The following PARP8 variants were observed in gnomAD, a reference collection of about 807,000 sequenced individuals.
PARP8 encodes protein mono-ADP-ribosyltransferase PARP8.
A neutral mutation model predicts 124.1 loss-of-function variants in PARP8; 51 were observed. That is an observed-to-expected ratio of 0.41 (90% CI 0.33 to 0.52). PARP8 has a LOEUF of 0.52. Ranked by LOEUF, PARP8 falls within the 20% of genes least tolerant of loss-of-function variation. The pLI is 0.21. For missense variants in PARP8, 860 were observed against 1,018.9 expected, an observed-to-expected ratio of 0.84 and a Z score of 2.12; for synonymous variants, 391 against 361.5, an observed-to-expected ratio of 1.08 and a Z score of -0.93.
intron 10 of PARP8, among the ~76,000 whole-genome samples, chr5:50,791,463 A>T (rs1187221988): frequency 6.6e-6 from 1 of 152,174 alleles, no homozygotes; most frequent in African/African-American, 2.4e-5. Context: ...TGCCTCTCAT[A>T]TAATCCTAGA....
chr5:50,828,465 A>T, intron 21 of PARP8, 81 bp downstream of exon 21: 1 of 1,298,258 alleles, frequency 7.7e-7, no homozygotes. Context: ...GTTAGGTTTA[A>T]CTTGCAAAAG....
At chr5:50,822,202 A>G (rs1306169730) in intron 16 of PARP8, 133 bp from the exon 17 acceptor site, 26 of 696,032 alleles carry the variant, frequency 3.7e-5, no homozygotes, top group Non-Finnish European at 6.2e-5. Context: ...ATGTACACCA[A>G]ACAGTCATTT....
chr5:50,739,361 G>C, intron 2 of PARP8, among the ~76,000 whole-genome samples: 1 of 150,804 alleles, frequency 6.6e-6, no homozygotes, highest in East Asian at 1.9e-4. Context: ...GATTTATTCT[G>C]CTTTTACTCA....
rs141601959 is a variant in PARP8, at chr5:50,827,752, C to T, written c.1978-192C>T. Reference sequence around the variant, plus strand: ...CCCAAAGAATTGTTCTTCATATTTGCAATTCCATGTGACTTATCACTTGCG... The same window carrying T: ...CCCAAAGAATTGTTCTTCATATTTGTAATTCCATGTGACTTATCACTTGCG... On this transcript the variant is annotated intron_variant, in intron 19 of 25. Transcript: ENST00000281631. Among the ~76,000 whole-genome samples, 297 of 152,262 alleles carry T rather than the reference C, an allele frequency of 2.0e-3. 3 individuals are homozygous for T. Among genetic ancestry groups the T allele is most frequent in the African/African-American group, 6.8e-3 (281 of 41,542 alleles).
chr5:50,763,089 G>T (rs2149580758), intron 6 of PARP8, 59 bp from the exon 7 acceptor site: 1 of 1,335,226 alleles, frequency 7.5e-7, no homozygotes, highest in Non-Finnish European at 1.1e-6. Flanking sequence ...TCAAAAGGTT[G>T]CTTAAGTTTT....
intron 14 of PARP8, among the ~76,000 whole-genome samples, chr5:50,814,126 G>A (rs1744814896): frequency 6.6e-6 from 1 of 152,026 alleles, no homozygotes; most frequent in South Asian, 2.1e-4. Flanking sequence ...CTGTTTCATT[G>A]TATTGAAGCA....
intron 3 of PARP8, among the ~76,000 whole-genome samples, chr5:50,750,847 A>G (rs1005378390): frequency 6.6e-6 from 1 of 152,168 alleles, no homozygotes; most frequent in Non-Finnish European, 1.5e-5. Flanking sequence ...GGCTATGCCT[A>G]TTTTTAATAG....
chr5:50,674,415 A>T (rs1750381540), intron 2 of PARP8, among the ~76,000 whole-genome samples: 1 of 152,208 alleles, frequency 6.6e-6, no homozygotes, highest in African/African-American at 2.4e-5. Context: ...CCATGTCAAC[A>T]TTTAGCCCAT....
chr5:50,698,470 TCTTA>T (rs1161200073), intron 2 of PARP8, among the ~76,000 whole-genome samples: 1 of 152,298 alleles, frequency 6.6e-6, no homozygotes, highest in East Asian at 1.9e-4. Context: ...CTTATTATCT[TCTTA>T]CTTCTTATTA....
chr5:50,703,756 T>A (rs898587065), intron 2 of PARP8, among the ~76,000 whole-genome samples: 4 of 152,046 alleles, frequency 2.6e-5, no homozygotes, highest in Non-Finnish European at 5.9e-5. Flanking sequence ...ACAAAAAATT[T>A]AAAAGTTAGC....
chr5:50,685,466 A>C (rs72753758), intron 2 of PARP8, among the ~76,000 whole-genome samples: 1 of 152,168 alleles, frequency 6.6e-6, no homozygotes, highest in Non-Finnish European at 1.5e-5. Flanking sequence ...CAGAGGGGGA[A>C]CATCCTTTCA....
intron 2 of PARP8, among the ~76,000 whole-genome samples, chr5:50,709,702 C>T (rs988612582): frequency 1.5e-4 from 22 of 151,498 alleles, no homozygotes; most frequent in Admixed American, 4.0e-4. Context: ...TAAATTTGCT[C>T]GTTCCACAAA....
In PARP8 at chr5:50,753,224, T is replaced by G. The variant is rs540413111; in HGVS notation, c.184+3036T>G. 5.3e-5 allele frequency among the ~76,000 whole-genome samples: 8 copies of G among 152,190 alleles called. No homozygotes were observed. The South Asian group carries it at 1.7e-3, about 32-fold the overall frequency. ...ATAATGGCAGAGTTCTTTAATTTTC[T>G]CTTTCCACTTTTAATTAGAAAGGCT... On this transcript the variant is annotated intron_variant, in intron 3 of 25. Transcript: ENST00000281631.
chr5:50,770,947 A>G (rs563954702), intron 7 of PARP8, among the ~76,000 whole-genome samples: 27 of 152,124 alleles, frequency 1.8e-4, no homozygotes, highest in African/African-American at 6.5e-4. Flanking sequence ...TTTAAGATTA[A>G]TGTTTATCAT....
intron 2 of PARP8, among the ~76,000 whole-genome samples, chr5:50,725,457 A>G (rs1253622976): frequency 6.6e-6 from 1 of 152,142 alleles, no homozygotes; most frequent in Non-Finnish European, 1.5e-5. Context: ...AGTTATACAC[A>G]GGTTCAAATA....
chr5:50,748,534 A>T (rs1758867072), intron 2 of PARP8, among the ~76,000 whole-genome samples: 1 of 152,186 alleles, frequency 6.6e-6, no homozygotes, highest in South Asian at 2.1e-4. Context: ...AAGACTTCTT[A>T]TACTGCAGGT....
At chr5:50,761,625 A>G (rs1354877157) in intron 5 of PARP8, among the ~76,000 whole-genome samples, 196 bp from the exon 6 acceptor site, 2 of 152,068 alleles carry the variant, frequency 1.3e-5, no homozygotes, top group African/African-American at 2.4e-5. Context: ...AACTTTTAAA[A>G]CAGGTGTGCT....
At chr5:50,751,948 T>G (rs1433695055) in intron 3 of PARP8, among the ~76,000 whole-genome samples, 2 of 152,188 alleles carry the variant, frequency 1.3e-5, no homozygotes, top group African/African-American at 4.8e-5. Flanking sequence ...GTTTTATAAC[T>G]TACGTGTTTG....
intron 14 of PARP8, among the ~76,000 whole-genome samples, chr5:50,810,106 G>A (rs1458929370): frequency 2.0e-5 from 3 of 151,544 alleles, no homozygotes; most frequent in African/African-American, 4.9e-5. Flanking sequence ...CTTATTTTAG[G>A]GACATATATA....
Sources: gnomAD v4.1 joint callset for allele counts (sites outside exome capture counted in the v4.1 genomes callset) on GRCh38, gnomAD v4.1.1 for gene constraint, MANE v1.5 for transcripts, NCBI Gene and HGNC (gene_info 2026-07-23, HGNC 2026-07-21) for gene names.